The following SERPINA4 variants were observed in gnomAD, a reference collection of about 807,000 sequenced individuals.
SERPINA4 encodes the protein kallistatin.
SERPINA4 carries 24 observed loss-of-function variants against 25.4 expected under a neutral mutation model. The observed-to-expected ratio is 0.95, with a 90% CI of 0.69 to 1.33. The LOEUF (loss-of-function observed/expected upper bound fraction) is 1.33. Among genes scored for constraint, SERPINA4 ranks in the 40% most tolerant of loss-of-function variants. SERPINA4 has a pLI of 0.00. For missense variants in SERPINA4, 553 were observed against 535.8 expected (o/e 1.03, Z -0.32); for synonymous variants, 242 against 223.6 (o/e 1.08, Z -0.73).
At chr14:94,563,380 C>G in intron 1 of SERPINA4, 86 bp from the exon 2 acceptor site, 3 of 1,404,868 alleles carry the variant, frequency 2.1e-6, no homozygotes, top group Non-Finnish European at 2.9e-6. Flanking sequence ...CTCACGATCT[C>G]CGGGTGCTGG....
intron 2 of SERPINA4, among the ~76,000 whole-genome samples, chr14:94,565,367 T>A (rs1231955322): frequency 6.6e-6 from 1 of 152,212 alleles, no homozygotes; most frequent in Non-Finnish European, 1.5e-5. Context: ...TCATCATATC[T>A]GACTACCAGG....
intron 1 of SERPINA4, among the ~76,000 whole-genome samples, chr14:94,562,591 A>C (rs1233452632): frequency 1.3e-5 from 2 of 152,204 alleles, no homozygotes; most frequent in Non-Finnish European, 2.9e-5. Context: ...TGACAGAGTG[A>C]GACCCTGTCT....
At chr14:94,568,591 A>G (rs775497705) in intron 4 of SERPINA4, among the ~76,000 whole-genome samples, 2 of 152,214 alleles carry the variant, frequency 1.3e-5, no homozygotes, top group Non-Finnish European at 2.9e-5. Flanking sequence ...ATGGTAACTC[A>G]TGCCTGTAAT....
chr14:94,561,727 C>T, intron 1 of SERPINA4: 15 of 1,289,716 alleles, frequency 1.2e-5, no homozygotes, highest in Non-Finnish European at 1.5e-5. Flanking sequence ...TGCCCGGAGA[C>T]CCAGAAAAGC....
intron 1 of SERPINA4, among the ~76,000 whole-genome samples, chr14:94,562,676 T>A (rs926084695): frequency 2.0e-5 from 3 of 152,046 alleles, no homozygotes; most frequent in African/African-American, 4.8e-5. Context: ...TTAAATGGAT[T>A]TTGGGTGGAT....
intron 1 of SERPINA4, chr14:94,561,799 T>C (rs866606750): frequency 7.8e-7 from 1 of 1,289,830 alleles, no homozygotes; most frequent in Non-Finnish European, 1.0e-6. Flanking sequence ...GTCTTCTGGC[T>C]GCCAATCCAG....
chr14:94,569,596 C>A lies in SERPINA4; in HGVS notation c.*1C>A, dbSNP rs1360919540. 1 of 1,613,988 alleles carries A rather than the reference C, an allele frequency of 6.2e-7. No individual in the cohort carries two copies. Among genetic ancestry groups the A allele is most frequent in the African/African-American group, 1.3e-5 (1 of 74,942 alleles). On this transcript the variant is annotated 3_prime_UTR_variant, in exon 5 of 5. Transcript: ENST00000557004. ...GGTCGTCGACCCCACGAAACCATAG[C>A]CCTCCCAGGGCTGCTCATCTGTTCC...
chr14:94,563,826 C>G lies in SERPINA4; in HGVS notation c.344C>G (p.Ser115Cys). The change falls in exon 2 of 5, where the codon TCC becomes TGC. Residue 115 changes from serine to cysteine, a missense_variant. Ser to Cys is a moderately radical substitution (Grantham distance 112, BLOSUM62 -1). Transcript: ENST00000557004. ...LGFNLTELSESDVHRGFQHLL... is the reference protein window; with the variant it reads ...LGFNLTELSECDVHRGFQHLL... ...TTCAACCTCACCGAGCTGTCTGAGTCCGATGTCCATAGGGGCTTCCAGCAC... is the reference window on the plus strand; with the variant it reads ...TTCAACCTCACCGAGCTGTCTGAGTGCGATGTCCATAGGGGCTTCCAGCAC... The G allele has an allele frequency of 6.2e-7, 1 of 1,614,196 alleles. No homozygotes were observed. Among genetic ancestry groups the G allele is most frequent in the Non-Finnish European group, 8.5e-7 (1 of 1,180,036 alleles).
chr14:94,568,289 G>A lies in SERPINA4; in HGVS notation c.1083+1G>A. 6.2e-7 allele frequency: 1 copy of A among 1,614,180 alleles called. No homozygotes were observed. Reference sequence around the variant, plus strand: ...ACAGCAAAAACTGGAGGCATCCAAAGTAAGTCGTCAACAGTCAGCAATCCC... The same window carrying A: ...ACAGCAAAAACTGGAGGCATCCAAAATAAGTCGTCAACAGTCAGCAATCCC... On this transcript the variant is annotated splice_donor_variant, in intron 4 of 4. Transcript: ENST00000557004. LOFTEE classifies it high-confidence loss of function.
chr14:94,566,847 C>T, intron 2 of SERPINA4, 123 bp from the exon 3 acceptor site: 1 of 1,144,270 alleles, frequency 8.7e-7, no homozygotes. Flanking sequence ...TCTTGATGGG[C>T]TCATAGGGCA....
rs894117776 is a variant in SERPINA4, at chr14:94,563,675, C to T, written c.193C>T (p.Leu65=). The T allele has an allele frequency of 2.5e-6, 4 of 1,613,926 alleles. No individual in the cohort carries two copies. The highest frequency in any genetic ancestry group is 3.4e-6 in the Non-Finnish European group (4 of 1,180,038). ...TGACTTTGCCTTCCGCTTCTACTAC[C>T]TGATCGCTTCGGAGACCCCGGGGAA... ...NADFAFRFYY[L]IASETPGKNI... is the part of the protein sequence containing the mutation. The change falls in exon 2 of 5, where the codon CTG becomes TTG. Residue 65 remains leucine (L), a synonymous_variant. Coordinates refer to ENST00000557004, the MANE Select transcript of SERPINA4 (RefSeq NM_006215.4).
chr14:94,566,853 G>A lies in SERPINA4; in HGVS notation c.650-117G>A, dbSNP rs897134344. The A allele has an allele frequency of 7.4e-6, 9 of 1,222,840 alleles. No individual in the cohort carries two copies. The African/African-American group carries it at 9.2e-5, about 12-fold the overall frequency. 75.7% of individuals were successfully genotyped at this position (1,222,840 alleles called of 1,614,324 possible). ...AATGGGACATCTTGATGGGCTCATA[G>A]GGCAGGATCTGGAGCGACTGTTTCT... On this transcript the variant is annotated intron_variant, in intron 2 of 4. Coordinates refer to ENST00000557004, the MANE Select transcript of SERPINA4 (RefSeq NM_006215.4).
chr14:94,568,491 G>A lies in SERPINA4; in HGVS notation c.1083+203G>A, dbSNP rs13306801. Among the ~76,000 whole-genome samples the A allele has an allele frequency of 2.6e-5, 4 of 152,288 alleles. No individual in the cohort carries two copies. The South Asian group carries it at 8.3e-4, about 32-fold the overall frequency. On this transcript the variant is annotated intron_variant, in intron 4 of 4. Transcript: ENST00000557004. ...GAGATATAGTGTTGAACCAGCCCCTGCCCTCAGAGAGCTCTCCCAGTCTAG... is the reference window on the plus strand; with the variant it reads ...GAGATATAGTGTTGAACCAGCCCCTACCCTCAGAGAGCTCTCCCAGTCTAG...
At chr14:94,569,126 A>G (rs78304502) in intron 4 of SERPINA4, among the ~76,000 whole-genome samples, 9 of 152,302 alleles carry the variant, frequency 5.9e-5, no homozygotes, top group Non-Finnish European at 1.2e-4. Flanking sequence ...CTGACCTCTT[A>G]GGATGGCCAT....
chr14:94,568,343 G>A, intron 4 of SERPINA4, 55 bp downstream of exon 4: 1 of 1,590,232 alleles, frequency 6.3e-7, no homozygotes, highest in East Asian at 2.2e-5. Flanking sequence ...AGTGCCCATG[G>A]GAGCTGCCAG....
intron 4 of SERPINA4, 107 bp from the exon 5 acceptor site, chr14:94,569,288 A>G: frequency 2.0e-6 from 2 of 1,006,842 alleles, no homozygotes; most frequent in Non-Finnish European, 2.9e-6. Context: ...ATGGCCTTGC[A>G]GGCTGTTATG....
Position 94,564,001 on chromosome 14 carries a change from C to T in SERPINA4, c.519C>T (p.Tyr173=), listed in dbSNP as rs764068417. 1.2e-4 allele frequency: 190 copies of T among 1,613,876 alleles called. No homozygotes were observed. Among genetic ancestry groups the T allele is most frequent in the Non-Finnish European group, 1.4e-4 (161 of 1,180,042 alleles). The change falls in exon 2 of 5, where the codon TAC becomes TAT. Residue 173 remains tyrosine (Y), a synonymous_variant. Transcript: ENST00000557004. ...CTAAACTCTTCCACACCAACTTCTACGACACTGTGGGCACAATCCAGCTTA... is the reference window on the plus strand; with the variant it reads ...CTAAACTCTTCCACACCAACTTCTATGACACTGTGGGCACAATCCAGCTTA... ...YEAKLFHTNF[Y]DTVGTIQLIN...
rs1045269841 is a variant in SERPINA4, at chr14:94,569,767, C to T, written c.*172C>T. ...GGGAGGGGCACTGAGATGGGCAGGG[C>T]CTGGACATTCCACACCCTGGTGCTG... On this transcript the variant is annotated 3_prime_UTR_variant, in exon 5 of 5. Transcript: ENST00000557004. The T allele has an allele frequency of 2.3e-5, 15 of 654,048 alleles. No individual in the cohort carries two copies. The highest frequency in any genetic ancestry group is 5.5e-5 in the Admixed American group (2 of 36,406). The allele number at this position is 654,048 out of a possible 1,614,324, so 40.5% of individuals were successfully genotyped here.
rs775357027 is a variant in SERPINA4 at position 94,563,728 on chromosome 14, C to G, written c.246C>G (p.Ile82Met). 4.3e-6 allele frequency: 7 copies of G among 1,613,918 alleles called. No homozygotes were observed. The highest frequency in any genetic ancestry group is 5.9e-6 in the Non-Finnish European group (7 of 1,180,058). Residue 82 changes from isoleucine (I) to methionine (M), a missense_variant, in exon 2 of 5, where the codon ATC (isoleucine) becomes ATG (methionine). Ile to Met is a conservative substitution (Grantham distance 10). Coordinates refer to ENST00000557004, the MANE Select transcript of SERPINA4 (RefSeq NM_006215.4). ...GKNIFFSPLS[I>M]SAAYAMLSLG... The stretch of plus-strand genomic sequence containing the variant: ...ACATCTTTTTCTCCCCGCTGAGCAT[C>G]TCGGCGGCCTACGCCATGCTTTCCC...
Sources: gnomAD v4.1 joint callset for allele counts (sites outside exome capture counted in the v4.1 genomes callset) on GRCh38, gnomAD v4.1.1 for gene constraint, MANE v1.5 for transcripts, NCBI Gene and HGNC (gene_info 2026-07-23, HGNC 2026-07-21) for gene names.